Variants in COG4 observed in about 807,000 individuals in gnomAD.
COG4 encodes conserved oligomeric Golgi complex subunit 4.
Under a neutral mutation model 95.1 loss-of-function variants are expected in COG4, and 65 were observed. The observed-to-expected ratio is 0.68, with a 90% CI of 0.56 to 0.84. The LOEUF (loss-of-function observed/expected upper bound fraction) is 0.84, where lower values mean the gene tolerates loss of function less well. Ranked by LOEUF, COG4 falls within the 40% of genes least tolerant of loss-of-function variation. COG4 has a pLI of 0.00. For synonymous variants in COG4, 421 were observed against 374.8 expected (o/e 1.12, Z -1.42); for missense variants, 1,045 against 989.1 (o/e 1.06, Z -0.76).
chr16:70,512,152 G>T, intron 5 of COG4, 87 bp downstream of exon 5: 1 of 1,235,218 alleles, frequency 8.1e-7, no homozygotes, highest in Non-Finnish European at 1.2e-6. Flanking sequence ...AAGAGAGAAA[G>T]TATCCACAGA....
At chr16:70,521,101 T>A (rs561352497) in intron 1 of COG4, among the ~76,000 whole-genome samples, 9 of 152,074 alleles carry the variant, frequency 5.9e-5, no homozygotes, top group East Asian at 1.9e-4. Context: ...CCCAGGCTGG[T>A]CCCCAACTAT....
At chr16:70,500,875 A>C in intron 9 of COG4, 83 bp downstream of exon 9, 2 of 1,541,408 alleles carry the variant, frequency 1.3e-6, no homozygotes, top group South Asian at 2.2e-5. Context: ...TTGTTTCCTT[A>C]ATAAGAGATT....
rs746781437 is a variant in COG4, at chr16:70,517,587, C to CAAAA, written c.369+35_369+38dup. On this transcript the variant is annotated intron_variant, in intron 3 of 18. Coordinates refer to ENST00000323786, the MANE Select transcript of COG4 (RefSeq NM_015386.3). The stretch of plus-strand genomic sequence containing the variant: ...TAGGTGACAGAGCAAGACCCTGTCT[C>CAAAA]AAAAAAAAAAAAAAAAAAAAAAAAG... The CAAAA allele has an allele frequency of 4.7e-4, 237 of 508,972 alleles. 3 individuals are homozygous for CAAAA. Among genetic ancestry groups the CAAAA allele is most frequent in the African/African-American group, 7.3e-4 (19 of 25,966 alleles). 31.5% of individuals were successfully genotyped at this position (508,972 alleles called of 1,614,324 possible).
intron 1 of COG4, chr16:70,523,116 G>A (rs1361138881): frequency 9.2e-6 from 5 of 542,866 alleles, no homozygotes; most frequent in Non-Finnish European, 1.7e-5. Flanking sequence ...TGGTGATCAT[G>A]GATCAGGGAA....
At chr16:70,489,059 T>G (rs1357474707) in intron 13 of COG4, among the ~76,000 whole-genome samples, 2 of 152,168 alleles carry the variant, frequency 1.3e-5, no homozygotes, top group Non-Finnish European at 2.9e-5. Flanking sequence ...AGATTTGAAC[T>G]TGGGGTATCT....
intron 13 of COG4, among the ~76,000 whole-genome samples, chr16:70,486,910 G>GCTTGAATC (rs1810276723): frequency 6.6e-6 from 1 of 151,810 alleles, no homozygotes; most frequent in African/African-American, 2.4e-5. Flanking sequence ...CAGGAGAATC[G>GCTTGAATC]CTTGAATCCG....
chr16:70,502,214 G>A (rs1336378652), intron 8 of COG4, among the ~76,000 whole-genome samples: 1 of 148,014 alleles, frequency 6.8e-6, no homozygotes, highest in Non-Finnish European at 1.5e-5. Flanking sequence ...CCCGGGAGGC[G>A]GAGGTTGCAG....
chr16:70,520,797 AC>A (rs978371454), intron 1 of COG4, among the ~76,000 whole-genome samples: 11 of 152,154 alleles, frequency 7.2e-5, no homozygotes, highest in Non-Finnish European at 2.9e-5. Context: ...TTATTGTGCA[AC>A]CTCAATTTAT....
intron 12 of COG4, among the ~76,000 whole-genome samples, chr16:70,490,910 C>G (rs996391541): frequency 2.0e-5 from 3 of 151,976 alleles, no homozygotes; most frequent in Non-Finnish European, 2.9e-5. Flanking sequence ...CTGCCCACCT[C>G]GGCCTCCCAA....
intron 14 of COG4, among the ~76,000 whole-genome samples, chr16:70,483,494 T>C (rs1392226367): frequency 6.6e-6 from 1 of 151,770 alleles, no homozygotes; most frequent in Non-Finnish European, 1.5e-5. Context: ...CTTGAGACTG[T>C]TCTGATAAAC....
chr16:70,509,192 A>C (rs780615655), intron 7 of COG4, 39 bp downstream of exon 7: 39 of 1,613,476 alleles, frequency 2.4e-5, no homozygotes, highest in Non-Finnish European at 3.0e-5. Flanking sequence ...TCCTCGCTAA[A>C]GCTGCTACCA....
At chr16:70,486,482 C>T (rs1018822553) in intron 13 of COG4, among the ~76,000 whole-genome samples, 1 of 152,192 alleles carries the variant, frequency 6.6e-6, no homozygotes, top group Non-Finnish European at 1.5e-5. Context: ...CCTGATCTGC[C>T]TATCTCAAAG....
intron 13 of COG4, among the ~76,000 whole-genome samples, chr16:70,488,522 T>A (rs567341164): frequency 6.6e-6 from 1 of 152,060 alleles, no homozygotes; most frequent in Non-Finnish European, 1.5e-5. Flanking sequence ...GGGTCCCAAG[T>A]AGCTGAGACT....
chr16:70,502,803 C>A (rs1391096455), intron 8 of COG4, among the ~76,000 whole-genome samples: 1 of 152,104 alleles, frequency 6.6e-6, no homozygotes, highest in African/African-American at 2.4e-5. Context: ...AAAGCCACAG[C>A]AATCAAGACT....
intron 7 of COG4, 174 bp downstream of exon 7, chr16:70,509,057 C>T (rs746659909): frequency 2.2e-5 from 17 of 776,078 alleles, no homozygotes; most frequent in African/African-American, 3.4e-5. Flanking sequence ...CTCGACAACA[C>T]CTCAAGTCCA....
chr16:70,505,336 T>C (rs1023785022), intron 8 of COG4, among the ~76,000 whole-genome samples: 15 of 150,840 alleles, frequency 9.9e-5, no homozygotes, highest in Admixed American at 9.9e-4. Context: ...TAGCTGGGAC[T>C]ACAGGCACCC....
chr16:70,522,269 G>C (rs979258643), intron 1 of COG4, among the ~76,000 whole-genome samples: 3 of 149,726 alleles, frequency 2.0e-5, no homozygotes, highest in Non-Finnish European at 4.5e-5. Flanking sequence ...TGCTGGGATG[G>C]CAGGCGTGAG....
Position 70,480,783 on chromosome 16 carries a change from G to A in COG4, c.*227C>T. On this transcript the variant is annotated 3_prime_UTR_variant, in exon 19 of 19. Transcript: ENST00000323786. Reference sequence around the variant, plus strand: ...TGCCGTGGCTTTCCCACCTCATTAGGAGCCCGCTTCTCTCGGTGGGGAGAT... The same window carrying A: ...TGCCGTGGCTTTCCCACCTCATTAGAAGCCCGCTTCTCTCGGTGGGGAGAT... 2 of 574,310 alleles carry A rather than the reference G, an allele frequency of 3.5e-6. No individual in the cohort carries two copies. Among genetic ancestry groups the A allele is most frequent in the South Asian group, 2.0e-5 (1 of 50,034 alleles). 35.6% of individuals were successfully genotyped at this position (574,310 alleles called of 1,614,324 possible).
intron 8 of COG4, 110 bp downstream of exon 8, chr16:70,508,296 G>A: frequency 1.1e-6 from 1 of 901,012 alleles, no homozygotes; most frequent in Non-Finnish European, 1.8e-6. Flanking sequence ...AAGAGTAATT[G>A]ATAAAATATT....
Sources: allele counts gnomAD v4.1 joint callset (sites outside exome capture counted in the v4.1 genomes callset), GRCh38; gene constraint gnomAD v4.1.1; transcripts MANE v1.5; gene names NCBI Gene and HGNC (gene_info 2026-07-23, HGNC 2026-07-21).